Variants in CDH2 observed in about 807,000 individuals in gnomAD.
CDH2 encodes the protein cadherin 2.
Under a neutral mutation model 92.0 loss-of-function variants are expected in CDH2, and 17 were observed. The ratio of observed to expected loss-of-function variants is 0.18; its 90% CI spans 0.13 to 0.28. CDH2 has a LOEUF of 0.28. Ranked by LOEUF, CDH2 falls within the 10% of genes least tolerant of loss-of-function variation. The pLI is 1.00. For synonymous variants in CDH2, 419 were observed against 415.9 expected (o/e 1.01, Z -0.09); for missense variants, 862 against 1,133.1 (o/e 0.76, Z 3.44).
At chr18:28,115,063 C>T (rs62103110) in intron 2 of CDH2, among the ~76,000 whole-genome samples, 230 of 152,196 alleles carry the variant, frequency 1.5e-3, no homozygotes, top group Non-Finnish European at 2.5e-3. Context: ...GGGAGGAGAA[C>T]GTTTCTTGCC....
At chr18:28,071,923 T>C (rs2014625559) in intron 2 of CDH2, among the ~76,000 whole-genome samples, 2 of 152,128 alleles carry the variant, frequency 1.3e-5, no homozygotes, top group African/African-American at 2.4e-5. Context: ...AATGATACAA[T>C]TACTCTTCGA....
chr18:28,172,071 T>C (rs1424349809), intron 1 of CDH2, among the ~76,000 whole-genome samples: 39 of 147,950 alleles, frequency 2.6e-4, no homozygotes, highest in Admixed American at 2.5e-3. Context: ...TCAACATACA[T>C]TTGGGGTGTG....
At chr18:28,017,427 T>A (rs1459529644) in intron 2 of CDH2, among the ~76,000 whole-genome samples, 1 of 152,144 alleles carries the variant, frequency 6.6e-6, no homozygotes, top group African/African-American at 2.4e-5. Context: ...TCTTGAATGA[T>A]CTTTTGTACT....
At chr18:28,046,708 T>C (rs981501198) in intron 2 of CDH2, among the ~76,000 whole-genome samples, 1 of 152,182 alleles carries the variant, frequency 6.6e-6, no homozygotes, top group Non-Finnish European at 1.5e-5. Context: ...AATAAGTAAA[T>C]GGAATCAGTG....
chr18:28,109,423 C>T (rs1247951695), intron 2 of CDH2, among the ~76,000 whole-genome samples: 1 of 152,158 alleles, frequency 6.6e-6, no homozygotes, highest in South Asian at 2.1e-4. Flanking sequence ...TTTTCTCCTC[C>T]TTACACAGTT....
chr18:27,947,836 A>T (rs1239625370), downstream of CDH2, among the ~76,000 whole-genome samples: 1 of 151,946 alleles, frequency 6.6e-6, no homozygotes, highest in East Asian at 1.9e-4. Flanking sequence ...ATGTGATATA[A>T]GTGTGTATAC....
At chr18:28,096,084 C>A (rs762056339) in intron 2 of CDH2, among the ~76,000 whole-genome samples, 8 of 152,046 alleles carry the variant, frequency 5.3e-5, no homozygotes, top group Non-Finnish European at 1.2e-4. Flanking sequence ...GTGTCTGGAT[C>A]CAAGTGGAAA....
rs561710216 is a variant in CDH2 at position 28,073,934 on chromosome 18, T to C, written c.173-60025A>G. Reference sequence around the variant, plus strand: ...TGCATACAAAGGGCTCAGCACAGTGTTTAGCCATTCACTATCTTGTTATTT... The same window carrying C: ...TGCATACAAAGGGCTCAGCACAGTGCTTAGCCATTCACTATCTTGTTATTT... On this transcript the variant is annotated intron_variant, in intron 2 of 15. Coordinates refer to ENST00000269141, the MANE Select transcript of CDH2 (RefSeq NM_001792.5). Among the ~76,000 whole-genome samples the C allele has an allele frequency of 2.6e-5, 4 of 152,262 alleles. No homozygotes were observed. In the South Asian group the frequency reaches 8.3e-4, roughly 32 times the overall value.
Position 27,985,567 on chromosome 18 carries a change from C to A in CDH2, c.1936G>T (p.Val646Leu). 1 of 1,613,174 alleles carries A rather than the reference C, an allele frequency of 6.2e-7. No homozygotes were observed. Among genetic ancestry groups the A allele is most frequent in the South Asian group, 1.1e-5 (1 of 91,060 alleles). ...PFAFDLPLSPVTIKRNWTITR... is the reference protein window; with the variant it reads ...PFAFDLPLSPLTIKRNWTITR... Reference sequence around the variant, plus strand: ...ATGGTCCAATTTCTCTTAATAGTCACTGGAGATAAAGGAAGATCAAAAGCA... The same window carrying A: ...ATGGTCCAATTTCTCTTAATAGTCAATGGAGATAAAGGAAGATCAAAAGCA... The change falls in exon 12 of 16, where the codon GTG becomes TTG. Residue 646 changes from valine (V) to leucine (L), a missense_variant. Physicochemically the swap from Val to Leu is conservative, Grantham distance 32 (BLOSUM62 1). Transcript: ENST00000269141.
chr18:28,135,914 C>T (rs2015854393), intron 2 of CDH2, among the ~76,000 whole-genome samples: 1 of 152,180 alleles, frequency 6.6e-6, no homozygotes, highest in African/African-American at 2.4e-5. Flanking sequence ...TCCACTACCA[C>T]AACTAGTAAT....
intron 11 of CDH2, among the ~76,000 whole-genome samples, chr18:27,986,681 T>C (rs2012244996): frequency 6.6e-6 from 1 of 152,140 alleles, no homozygotes; most frequent in Non-Finnish European, 1.5e-5. Flanking sequence ...TGCACATACA[T>C]ACACAATCCT....
intron 2 of CDH2, among the ~76,000 whole-genome samples, chr18:28,019,601 TA>T (rs1462375320): frequency 6.6e-6 from 1 of 152,084 alleles, no homozygotes; most frequent in African/African-American, 2.4e-5. Context: ...GAGGTTGACC[TA>T]AGAGAGTCTG....
chr18:28,075,879 G>T (rs1442237282), intron 2 of CDH2, among the ~76,000 whole-genome samples: 1 of 152,116 alleles, frequency 6.6e-6, no homozygotes, highest in Non-Finnish European at 1.5e-5. Flanking sequence ...ACTTGCTTTG[G>T]GATGAGGAAT....
At chr18:28,119,668 T>C (rs954471021) in intron 2 of CDH2, among the ~76,000 whole-genome samples, 2 of 152,120 alleles carry the variant, frequency 1.3e-5, no homozygotes, top group African/African-American at 4.8e-5. Flanking sequence ...ACTGAAACTG[T>C]AACCCAATAT....
At chr18:27,939,469 T>A (rs1909088601) in intron 6 of CDH2, among the ~76,000 whole-genome samples, 1 of 152,210 alleles carries the variant, frequency 6.6e-6, no homozygotes, top group African/African-American at 2.4e-5. Flanking sequence ...GGGTGGTTTT[T>A]ATCCAGCACT....
At chr18:28,010,740 G>T (rs2013073688) in intron 4 of CDH2, among the ~76,000 whole-genome samples, 3 of 151,640 alleles carry the variant, frequency 2.0e-5, no homozygotes, top group Non-Finnish European at 4.4e-5. Context: ...CATGATCTCG[G>T]CTCACTGCAA....
chr18:28,148,431 T>G (rs1262724375), intron 1 of CDH2, among the ~76,000 whole-genome samples: 1 of 152,202 alleles, frequency 6.6e-6, no homozygotes, highest in Admixed American at 6.5e-5. Flanking sequence ...TGTCATTTTC[T>G]ATATCATCAT....
intron 14 of CDH2, among the ~76,000 whole-genome samples, chr18:27,975,601 C>T (rs1023915217): frequency 5.3e-5 from 8 of 152,180 alleles, no homozygotes; most frequent in East Asian, 1.9e-4. Flanking sequence ...CCCCAGAGGG[C>T]GTGTTACAAT....
intron 2 of CDH2, among the ~76,000 whole-genome samples, chr18:28,052,372 T>C (rs775114649): frequency 3.9e-5 from 6 of 152,194 alleles, no homozygotes; most frequent in Non-Finnish European, 7.3e-5. Flanking sequence ...ATTTAAGCCG[T>C]AGTAACAGCA....
Sources: gnomAD v4.1 joint callset for allele counts (sites outside exome capture counted in the v4.1 genomes callset) on GRCh38, gnomAD v4.1.1 for gene constraint, MANE v1.5 for transcripts, NCBI Gene and HGNC (gene_info 2026-07-23, HGNC 2026-07-21) for gene names.